The following ZNF423 variants were observed in gnomAD, a reference collection of about 807,000 sequenced individuals.
ZNF423 encodes the protein zinc finger protein 423.
A neutral mutation model predicts 95.8 loss-of-function variants in ZNF423; 12 were observed. That is an observed-to-expected ratio of 0.13 (90% CI 0.08 to 0.20). ZNF423 has a LOEUF of 0.20. ZNF423 is among the 10% of genes least tolerant of loss of function. The pLI is 1.00. For synonymous variants in ZNF423, 749 were observed against 711.9 expected (o/e 1.05, Z -0.83); for missense variants, 1,316 against 1,737.1 (o/e 0.76, Z 4.31).
rs71380366 is a variant in ZNF423, at chr16:49,646,574, C to CTTTTTTTTTTTTTTTTTTTTTTTTT, written c.302-7701_302-7700insAAAAAAAAAAAAAAAAAAAAAAAAA. ...TTATGGCACATTTTCTTTTCTTTTT[C>CTTTTTTTTTTTTTTTTTTTTTTTTT]TTTTTTTTTTTTTTGAGAAGGAGTC... is the stretch of plus-strand genomic sequence containing the variant. On this transcript the variant is annotated intron_variant, in intron 3 of 7. Transcript: ENST00000563137. Among the ~76,000 whole-genome samples, 31 of 117,994 alleles carry CTTTTTTTTTTTTTTTTTTTTTTTTT rather than the reference C, an allele frequency of 2.6e-4. 1 individual carries two copies. The highest frequency in any genetic ancestry group is 5.7e-4 in the African/African-American group (19 of 33,572). 77.4% of individuals were successfully genotyped at this position (117,994 alleles called of 152,430 possible).
At chr16:49,781,963 A>G (rs1467946173) in intron 2 of ZNF423, among the ~76,000 whole-genome samples, 5 of 152,226 alleles carry the variant, frequency 3.3e-5, no homozygotes, top group Non-Finnish European at 4.4e-5. Context: ...CCCATGCCCA[A>G]CACCCAGATG....
intron 1 of ZNF423, among the ~76,000 whole-genome samples, chr16:49,795,167 C>T (rs189881688): frequency 4.5e-4 from 69 of 152,268 alleles, no homozygotes; most frequent in Admixed American, 2.6e-4. Flanking sequence ...TCACTGCACC[C>T]GGCCCAAATT....
intron 5 of ZNF423, among the ~76,000 whole-genome samples, chr16:49,554,650 C>A (rs1969760669): frequency 6.6e-6 from 1 of 151,660 alleles, no homozygotes; most frequent in African/African-American, 2.4e-5. Flanking sequence ...AATGGTGGTT[C>A]TTCTGCTTGA....
chr16:49,519,165 C>A (rs992378048), intron 7 of ZNF423, among the ~76,000 whole-genome samples: 5 of 152,176 alleles, frequency 3.3e-5, no homozygotes, highest in African/African-American at 1.2e-4. Context: ...AACACATGAC[C>A]CCATCTGTTA....
intron 3 of ZNF423, among the ~76,000 whole-genome samples, chr16:49,647,588 A>C (rs908409955): frequency 6.6e-6 from 1 of 152,196 alleles, no homozygotes; most frequent in Non-Finnish European, 1.5e-5. Context: ...ATGCAATATG[A>C]GAAGGACCCA....
intron 3 of ZNF423, among the ~76,000 whole-genome samples, chr16:49,704,234 G>T (rs367951951): frequency 1.3e-5 from 2 of 151,970 alleles, no homozygotes; most frequent in Admixed American, 6.5e-5. Context: ...AAGAATCTTC[G>T]CTAGAACCCC....
chr16:49,583,233 G>A (rs1468894388), intron 5 of ZNF423, among the ~76,000 whole-genome samples: 2 of 152,188 alleles, frequency 1.3e-5, no homozygotes, highest in Admixed American at 6.5e-5. Context: ...GCAATGGTGG[G>A]TTTTTTCATT....
Position 49,855,415 on chromosome 16 carries a change from G to C in ZNF423, c.40+320C>G, listed in dbSNP as rs949040849. On this transcript the variant is annotated intron_variant, in intron 1 of 7. Coordinates refer to ENST00000563137, the MANE Select transcript of ZNF423 (RefSeq NM_001379286.1). The surrounding 1 kb of genome is among the most constrained non-coding windows in gnomAD (Gnocchi z 4.7). ...CACGGGCCCGGGCCCCGCACGGAGG[G>C]AGCGGCAAGGGCCCCTTAGCGGCGC... Among the ~76,000 whole-genome samples the C allele has an allele frequency of 6.6e-6, 1 of 150,652 alleles. No homozygotes were observed. The highest frequency in any genetic ancestry group is 1.5e-5 in the Non-Finnish European group (1 of 67,574).
At chr16:49,516,613 A>G (rs902430957) in intron 7 of ZNF423, among the ~76,000 whole-genome samples, 12 of 152,316 alleles carry the variant, frequency 7.9e-5, no homozygotes, top group African/African-American at 2.9e-4. Context: ...AGCATTTCAG[A>G]CACGTGCATT....
At chr16:49,772,674 C>A (rs2034055846) in intron 2 of ZNF423, among the ~76,000 whole-genome samples, 1 of 152,228 alleles carries the variant, frequency 6.6e-6, no homozygotes, top group Non-Finnish European at 1.5e-5. Flanking sequence ...TGAGATACAT[C>A]CATGGAGAAT....
chr16:49,859,212 G>A (rs958678281), upstream of ZNF423, among the ~76,000 whole-genome samples: 1 of 152,126 alleles, frequency 6.6e-6, no homozygotes, highest in Non-Finnish European at 1.5e-5. Flanking sequence ...GACTGAGGAC[G>A]GAGGTGGGGG....
intron 1 of ZNF423, among the ~76,000 whole-genome samples, chr16:49,806,595 C>G (rs529746296): frequency 1.3e-5 from 2 of 152,300 alleles, no homozygotes; most frequent in East Asian, 3.9e-4. Context: ...GAAACTGAGT[C>G]TGTCATTGAA....
intron 5 of ZNF423, among the ~76,000 whole-genome samples, chr16:49,559,772 G>A (rs1969957303): frequency 6.6e-6 from 1 of 152,134 alleles, no homozygotes; most frequent in Non-Finnish European, 1.5e-5. Flanking sequence ...GAATTTCATG[G>A]GTATTTCATA....
At chr16:49,641,090 T>C (rs1972959996) in intron 3 of ZNF423, among the ~76,000 whole-genome samples, 1 of 152,254 alleles carries the variant, frequency 6.6e-6, no homozygotes, top group South Asian at 2.1e-4. Flanking sequence ...GAGCCCTTCC[T>C]GTGTGCCCAG....
At position 49,565,813 on chromosome 16, in the gene ZNF423, G is replaced by A. The variant is rs182617974; in HGVS notation, c.3602-40319C>T. ...CAACACAATTTTAGATGTCAATAGG[G>A]AAAGAGAGAAAGGAAGAAAAGTAGG... is the stretch of plus-strand genomic sequence containing the variant. On this transcript the variant is annotated intron_variant, in intron 5 of 7. Coordinates refer to ENST00000563137, the MANE Select transcript of ZNF423 (RefSeq NM_001379286.1). 2.7e-4 allele frequency among the ~76,000 whole-genome samples: 41 copies of A among 151,878 alleles called. No homozygotes were observed. The East Asian group carries it at 6.4e-3, about 24-fold the overall frequency.
chr16:49,793,490 G>T (rs1156525975), intron 1 of ZNF423, among the ~76,000 whole-genome samples: 1 of 152,228 alleles, frequency 6.6e-6, no homozygotes, highest in Non-Finnish European at 1.5e-5. Flanking sequence ...CTAGCTCCAT[G>T]TCTAGTTGTT....
chr16:49,836,385 G>A (rs1376704945), intron 1 of ZNF423, among the ~76,000 whole-genome samples: 1 of 152,042 alleles, frequency 6.6e-6, no homozygotes, highest in African/African-American at 2.4e-5. Context: ...ATGGAGGGAA[G>A]GGGGACTTAG....
chr16:49,793,499 T>C (rs373054922), intron 1 of ZNF423, among the ~76,000 whole-genome samples: 6 of 152,302 alleles, frequency 3.9e-5, no homozygotes, highest in African/African-American at 1.2e-4. Flanking sequence ...TGTCTAGTTG[T>C]TTAATGTATA....
chr16:49,796,318 G>A (rs1477410887), intron 1 of ZNF423, among the ~76,000 whole-genome samples: 1 of 151,970 alleles, frequency 6.6e-6, no homozygotes, highest in Non-Finnish European at 1.5e-5. Flanking sequence ...CAGAGCAAGT[G>A]GCACTAGGCA....
Sources: gnomAD v4.1 joint callset for allele counts (sites outside exome capture counted in the v4.1 genomes callset) on GRCh38, gnomAD v4.1.1 for gene constraint, Gnocchi (gnomAD v3.1) non-coding constraint, MANE v1.5 for transcripts, NCBI Gene and HGNC (gene_info 2026-07-23, HGNC 2026-07-21) for gene names.